SYNPR: variants seen among roughly 807,000 people sequenced by gnomAD.
The protein encoded by SYNPR is synaptoporin.
SYNPR carries 23 observed loss-of-function variants against 32.9 expected under a neutral mutation model. That is an observed-to-expected ratio of 0.70 (90% CI 0.50 to 0.99). The LOEUF is 0.99. Ranked by LOEUF, SYNPR falls within the 50% of genes least tolerant of loss-of-function variation. The pLI is 0.00. For missense variants in SYNPR, 318 were observed against 349.3 expected, an observed-to-expected ratio of 0.91 and a Z score of 0.71; for synonymous variants, 146 against 135.9, an observed-to-expected ratio of 1.07 and a Z score of -0.52.
intron 2 of SYNPR, among the ~76,000 whole-genome samples, chr3:63,447,746 T>TG (rs1390350285): frequency 1.7e-4 from 19 of 111,092 alleles, no homozygotes; most frequent in African/African-American, 5.4e-4. Flanking sequence ...TTACTGTGAT[T>TG]TTTTTTTTTT....
intron 2 of SYNPR, chr3:63,423,800 ATAGG>A (rs1699843413): frequency 2.0e-5 from 3 of 152,248 alleles, no homozygotes; most frequent in Admixed American, 2.0e-4. Flanking sequence ...TACCAGCAGA[ATAGG>A]GCCAGGGCCA....
At chr3:63,254,314 A>G (rs1415133448) in intron 2 of SYNPR, among the ~76,000 whole-genome samples, 1 of 152,200 alleles carries the variant, frequency 6.6e-6, no homozygotes, top group Non-Finnish European at 1.5e-5. Flanking sequence ...AACTTAAAGT[A>G]TAATAATTAA....
intron 2 of SYNPR, among the ~76,000 whole-genome samples, chr3:63,476,052 GGA>G: frequency 6.7e-6 from 1 of 149,364 alleles, no homozygotes; most frequent in Non-Finnish European, 1.5e-5. Flanking sequence ...AGAAAGAGAA[GGA>G]GAGAGAGAGG....
chr3:63,361,323 C>T (rs541164067), intron 2 of SYNPR, among the ~76,000 whole-genome samples: 1 of 152,080 alleles, frequency 6.6e-6, no homozygotes, highest in African/African-American at 2.4e-5. Context: ...CTCGGTGGCT[C>T]ACGCCTGTAA....
Position 63,556,684 on chromosome 3 carries a change from T to C in SYNPR, c.351T>C (p.Thr117=). ...VFAFLYSLAA[T]VVYIFFQNKY... Reference sequence around the variant, plus strand: ...CCTTCCTCTACTCTTTGGCTGCCACTGTCGTTTACATTTTCTTCCAGAACA... The same window carrying C: ...CCTTCCTCTACTCTTTGGCTGCCACCGTCGTTTACATTTTCTTCCAGAACA... Residue 117 remains threonine, a synonymous_variant, in exon 4 of 6, where the codon ACT becomes ACC. Coordinates refer to ENST00000478300, the MANE Select transcript of SYNPR (RefSeq NM_001130003.2). 6.2e-7 allele frequency: 1 copy of C among 1,613,858 alleles called. No individual in the cohort carries two copies. The highest frequency in any genetic ancestry group is 2.2e-5 in the East Asian group (1 of 44,854).
chr3:63,471,100 G>T (rs1217566266), intron 2 of SYNPR, among the ~76,000 whole-genome samples: 3 of 152,180 alleles, frequency 2.0e-5, no homozygotes, highest in African/African-American at 7.2e-5. Context: ...TATCAATTCT[G>T]TAAGGCTGCT....
the SYNPR span, among the ~76,000 whole-genome samples, chr3:63,208,241 T>C: frequency 1.3e-5 from 2 of 152,222 alleles, no homozygotes; most frequent in South Asian, 2.1e-4. Flanking sequence ...TTCATCAGCA[T>C]AGATACTACT....
At chr3:63,257,678 A>G (rs1358998049) in intron 2 of SYNPR, among the ~76,000 whole-genome samples, 2 of 152,212 alleles carry the variant, frequency 1.3e-5, no homozygotes, top group Non-Finnish European at 2.9e-5. Context: ...CAAAATAACC[A>G]GCTAACATCA....
At chr3:63,356,124 C>T (rs1462248273) in intron 2 of SYNPR, among the ~76,000 whole-genome samples, 1 of 152,202 alleles carries the variant, frequency 6.6e-6, no homozygotes. Context: ...CCTCTTACTA[C>T]TTATACTTTA....
At chr3:63,606,550 G>A (rs1700126183) in intron 4 of SYNPR, among the ~76,000 whole-genome samples, 1 of 149,756 alleles carries the variant, frequency 6.7e-6, no homozygotes, top group Non-Finnish European at 1.5e-5. Flanking sequence ...CCCACCTCAG[G>A]CTCACAGGTT....
chr3:63,241,221 G>A (rs76218399), intron 1 of SYNPR, among the ~76,000 whole-genome samples: 2,500 of 152,230 alleles, frequency 0.016, 37 homozygotes, highest in Middle Eastern at 0.034. Flanking sequence ...GAGAGGTCAA[G>A]GAGACCAGAG....
the SYNPR span, among the ~76,000 whole-genome samples, chr3:63,205,011 T>A: frequency 6.6e-6 from 1 of 152,126 alleles, no homozygotes; most frequent in Admixed American, 6.5e-5. Flanking sequence ...ATCTGTTGAC[T>A]CTGACTGTTC....
At chr3:63,559,114 C>A (rs1222108273) in intron 4 of SYNPR, among the ~76,000 whole-genome samples, 3 of 145,262 alleles carry the variant, frequency 2.1e-5, no homozygotes, top group Non-Finnish European at 4.5e-5. Context: ...GTCACCCAGG[C>A]TGCTGTGTAG....
chr3:63,262,991 G>A (rs6766798), intron 2 of SYNPR, among the ~76,000 whole-genome samples: 115,270 of 152,034 alleles, frequency 0.76, 44,539 homozygotes, highest in Middle Eastern at 0.86. Context: ...GCTTACAGTG[G>A]CCAGACAATA....
At chr3:63,601,699 A>G (rs1371549016) in intron 4 of SYNPR, among the ~76,000 whole-genome samples, 1 of 152,136 alleles carries the variant, frequency 6.6e-6, no homozygotes, top group Non-Finnish European at 1.5e-5. Flanking sequence ...TTATGGCTGT[A>G]TAGTATTCTG....
chr3:63,476,928 A>G (rs1327056853), intron 2 of SYNPR, among the ~76,000 whole-genome samples: 1 of 152,156 alleles, frequency 6.6e-6, no homozygotes, highest in Admixed American at 6.5e-5. Context: ...CTGTTCCCCA[A>G]CAGCTGGCAC....
At chr3:63,406,938 A>T (rs2107109627) in intron 2 of SYNPR, among the ~76,000 whole-genome samples, 1 of 152,280 alleles carries the variant, frequency 6.6e-6, no homozygotes, top group African/African-American at 2.4e-5. Context: ...GTCCATGTTG[A>T]CTATCGAGAA....
At chr3:63,304,768 G>A (rs1414274264) in intron 2 of SYNPR, among the ~76,000 whole-genome samples, 1 of 134,576 alleles carries the variant, frequency 7.4e-6, no homozygotes, top group East Asian at 2.0e-4. Flanking sequence ...CTAAATTTCT[G>A]TTCTTTTATT....
chr3:63,483,829 T>C (rs546580900), intron 3 of SYNPR, among the ~76,000 whole-genome samples: 1 of 152,318 alleles, frequency 6.6e-6, no homozygotes, highest in African/African-American at 2.4e-5. Flanking sequence ...GCATTGCTTA[T>C]GCTTAAAAAA....
Sources: gnomAD v4.1 joint callset for allele counts (sites outside exome capture counted in the v4.1 genomes callset) on GRCh38, gnomAD v4.1.1 for gene constraint, MANE v1.5 for transcripts, NCBI Gene and HGNC (gene_info 2026-07-23, HGNC 2026-07-21) for gene names.